Variants in ZRSR2 observed in about 807,000 individuals in gnomAD.
The protein encoded by ZRSR2 is zinc finger CCCH-type, RNA binding motif and serine/arginine rich 2.
Under a neutral mutation model 39.4 loss-of-function variants are expected in ZRSR2, and 3 were observed. That is an observed-to-expected ratio of 0.08 (90% CI 0.03 to 0.20). ZRSR2 has a LOEUF of 0.20. Ranked by LOEUF, ZRSR2 falls within the 10% of genes least tolerant of loss-of-function variation. The pLI is 1.00. For missense variants in ZRSR2, 256 were observed against 391.5 expected, an observed-to-expected ratio of 0.65 and a Z score of 2.92; for synonymous variants, 137 against 136.0, an observed-to-expected ratio of 1.01 and a Z score of -0.05.
Position 15,815,851 on chromosome X carries a change from G to A in ZRSR2, c.732G>A (p.Leu244=), listed in dbSNP as rs1191615186. The A allele has an allele frequency of 8.3e-7, 1 of 1,209,489 alleles. No individual in the cohort carries two copies. Among genetic ancestry groups the A allele is most frequent in the Admixed American group, 2.2e-5 (1 of 45,776 alleles). The change falls in exon 8 of 11, where the codon TTG becomes TTA. Residue 244 remains leucine, a synonymous_variant. Transcript: ENST00000307771. ...TCCTAGACTTCTATGAGGATGTGTT[G>A]CCCGAGTTCAAGAACGTGGGGAAAG... ...QQFLDFYEDV[L]PEFKNVGKVI...
At chrX:15,812,879 A>G (rs957601992) in intron 7 of ZRSR2, among the ~76,000 whole-genome samples, 4 of 112,329 alleles carry the variant, frequency 3.6e-5, no homozygotes, top group Non-Finnish European at 7.5e-5. Flanking sequence ...CTCTAGAAAG[A>G]CAGAAATTTT....
intron 3 of ZRSR2, among the ~76,000 whole-genome samples, 161 bp from the exon 4 acceptor site, chrX:15,803,527 C>G (rs1932738037): frequency 9.0e-6 from 1 of 111,515 alleles, no homozygotes; most frequent in South Asian, 3.8e-4. Context: ...TCCAAAAGCT[C>G]TGCTCTTCTC....
In ZRSR2 at chrX:15,823,091, G is replaced by T; in HGVS notation, c.1298G>T (p.Arg433Leu). 3 of 1,207,679 alleles carry T rather than the reference G, an allele frequency of 2.5e-6. No homozygotes were observed. Among genetic ancestry groups the T allele is most frequent in the Non-Finnish European group, 3.4e-6 (3 of 893,379 alleles). ...RGRNRDRSRD[R>L]SRGRGSRSRS... The stretch of plus-strand genomic sequence containing the variant: ...AGAAATAGGGACCGCAGCAGGGACC[G>T]CAGCCGGGGCCGGGGCAGCCGGAGC... Residue 433 changes from arginine (R) to leucine (L), a missense_variant, in exon 11 of 11, where the codon CGC (arginine) becomes CTC (leucine). Arg to Leu is a moderately radical substitution (Grantham distance 102). Coordinates refer to ENST00000307771, the MANE Select transcript of ZRSR2 (RefSeq NM_005089.4).
chrX:15,823,079 G>A lies in ZRSR2; in HGVS notation c.1286G>A (p.Arg429His), dbSNP rs1933156824. The change falls in exon 11 of 11, where the codon CGC becomes CAC. Residue 429 changes from arginine (R) to histidine (H), a missense_variant. Arg to His is a conservative substitution (Grantham distance 29). Coordinates refer to ENST00000307771, the MANE Select transcript of ZRSR2 (RefSeq NM_005089.4). ...NSRSRGRNRD[R>H]SRDRSRGRGS... Reference sequence around the variant, plus strand: ...CGAAGCAGAGGAAGAAATAGGGACCGCAGCAGGGACCGCAGCCGGGGCCGG... The same window carrying A: ...CGAAGCAGAGGAAGAAATAGGGACCACAGCAGGGACCGCAGCCGGGGCCGG... 2.5e-6 allele frequency: 3 copies of A among 1,208,232 alleles called. No homozygotes were observed. The highest frequency in any genetic ancestry group is 4.4e-5 in the Admixed American group (2 of 45,707).
intron 2 of ZRSR2, 43 bp downstream of exon 2, chrX:15,791,056 C>G (rs1198073681): frequency 6.3e-6 from 7 of 1,107,935 alleles, no homozygotes; most frequent in Non-Finnish European, 8.7e-6. Context: ...TGAAATTGCT[C>G]TGTCCACTCC....
intron 2 of ZRSR2, among the ~76,000 whole-genome samples, chrX:15,796,784 GTTTTTTTTT>G (rs141175603): frequency 2.5e-5 from 1 of 39,913 alleles, no homozygotes; most frequent in Non-Finnish European, 3.8e-5. Flanking sequence ...GTTTCAAATC[GTTTTTTTTT>G]TTTTTTTTTT....
Position 15,815,617 on chromosome X carries a change from G to A in ZRSR2, c.558-60G>A, listed in dbSNP as rs779685611. 8.8e-5 allele frequency: 91 copies of A among 1,034,727 alleles called. No homozygotes were observed. The East Asian group carries it at 2.8e-3, about 32-fold the overall frequency. The allele number at this position is 1,034,727 out of a possible 1,213,427, so 85.3% of individuals were successfully genotyped here. On this transcript the variant is annotated intron_variant, in intron 7 of 10. Transcript: ENST00000307771. ...CCACCATGCCTGGTCTAAAGCAGTTGTTTTGTGAGTAATTTTCAACTATTG... is the reference window on the plus strand; with the variant it reads ...CCACCATGCCTGGTCTAAAGCAGTTATTTTGTGAGTAATTTTCAACTATTG...
chrX:15,793,711 G>A (rs1323348258), intron 2 of ZRSR2, among the ~76,000 whole-genome samples: 1 of 111,928 alleles, frequency 8.9e-6, no homozygotes, highest in African/African-American at 3.2e-5. Flanking sequence ...GCTAATTCTT[G>A]TACTTTTGTA....
At chrX:15,790,622 G>A in intron 1 of ZRSR2, 86 bp downstream of exon 1, 1 of 1,102,759 alleles carries the variant, frequency 9.1e-7, no homozygotes, top group Admixed American at 3.1e-5. Flanking sequence ...GAGAAGCTGG[G>A]CCAAGCTAAG....
intron 7 of ZRSR2, 41 bp downstream of exon 7, chrX:15,809,359 A>G: frequency 1.0e-6 from 1 of 1,001,384 alleles, no homozygotes; most frequent in South Asian, 2.0e-5. Flanking sequence ...GAAGTGATTC[A>G]AAATGCTGAC....
chrX:15,797,919 A>C (rs903073753), intron 2 of ZRSR2, among the ~76,000 whole-genome samples: 1 of 112,077 alleles, frequency 8.9e-6, no homozygotes, highest in Non-Finnish European at 1.9e-5. Flanking sequence ...TGTGAGTGTC[A>C]GCTGTGTCTA....
intron 10 of ZRSR2, among the ~76,000 whole-genome samples, chrX:15,821,066 G>C (rs763286031): frequency 9.8e-5 from 11 of 112,079 alleles, no homozygotes; most frequent in Admixed American, 8.5e-4. Flanking sequence ...CCTGCCTAAC[G>C]CAAAGTCAGA....
At chrX:15,799,835 G>T in intron 2 of ZRSR2, 37 bp from the exon 3 acceptor site, 1 of 968,136 alleles carries the variant, frequency 1.0e-6, no homozygotes, top group Non-Finnish European at 1.4e-6. Context: ...CCAAGGATTT[G>T]CAGCACTCAG....
At chrX:15,807,712 A>G (rs895138866) in intron 5 of ZRSR2, among the ~76,000 whole-genome samples, 8 of 111,113 alleles carry the variant, frequency 7.2e-5, no homozygotes, top group African/African-American at 2.6e-4. Context: ...ATATTTTGCA[A>G]TGTGATCTGG....
intron 3 of ZRSR2, among the ~76,000 whole-genome samples, chrX:15,802,974 G>A (rs1212366418): frequency 9.1e-6 from 1 of 109,760 alleles, no homozygotes; most frequent in East Asian, 2.9e-4. Context: ...CTACTTTTAA[G>A]AATAGGGGCT....
chrX:15,809,253 A>G lies in ZRSR2; in HGVS notation c.492A>G (p.Val164=), dbSNP rs768742442. The change falls in exon 7 of 11, where the codon GTA becomes GTG. Residue 164 remains valine, a synonymous_variant. Coordinates refer to ENST00000307771, the MANE Select transcript of ZRSR2 (RefSeq NM_005089.4). ...CAGAACCACCCGTGGATTTCAGAGT[A>G]ATGGAGAAGGATCGAGCTAATTGTC... ...QNPEPPVDFR[V]MEKDRANCPF... 9 of 1,211,321 alleles carry G rather than the reference A, an allele frequency of 7.4e-6. No individual in the cohort carries two copies. Among genetic ancestry groups the G allele is most frequent in the Non-Finnish European group, 1.0e-5 (9 of 894,784 alleles).
intron 7 of ZRSR2, among the ~76,000 whole-genome samples, chrX:15,811,429 C>A (rs1932879725): frequency 9.1e-6 from 1 of 109,705 alleles, no homozygotes; most frequent in South Asian, 3.9e-4. Context: ...TCTCACCCCC[C>A]CCCCTTTTTT....
At chrX:15,805,332 G>A (rs758774759) in intron 5 of ZRSR2, among the ~76,000 whole-genome samples, 93 of 111,988 alleles carry the variant, frequency 8.3e-4, no homozygotes, top group Non-Finnish European at 1.4e-3. Flanking sequence ...CATTTTAACA[G>A]TAGAGTGTTC....
At chrX:15,797,188 C>G (rs1360936598) in intron 2 of ZRSR2, among the ~76,000 whole-genome samples, 2 of 107,463 alleles carry the variant, frequency 1.9e-5, no homozygotes, top group Non-Finnish European at 3.8e-5. Context: ...CACAATATTG[C>G]TTAACAGTAT....
Sources: gnomAD v4.1 joint callset for allele counts (sites outside exome capture counted in the v4.1 genomes callset) on GRCh38, gnomAD v4.1.1 for gene constraint, MANE v1.5 for transcripts, NCBI Gene and HGNC (gene_info 2026-07-23, HGNC 2026-07-21) for gene names.